Variants in BACH2 observed in about 807,000 individuals in gnomAD.
BACH2 encodes transcription regulator protein BACH2.
Under a neutral mutation model 61.8 loss-of-function variants are expected in BACH2, and 5 were observed. The observed-to-expected ratio is 0.08, with a 90% CI of 0.04 to 0.17. The LOEUF (loss-of-function observed/expected upper bound fraction) is 0.17, where lower values mean the gene tolerates loss of function less well. BACH2 is among the 10% of genes least tolerant of loss of function. The pLI, the probability that BACH2 is intolerant of heterozygous loss-of-function variation, is 1.00. For missense variants in BACH2, 824 were observed against 1,091.1 expected, an observed-to-expected ratio of 0.76 and a Z score of 3.45; for synonymous variants, 446 against 440.1, an observed-to-expected ratio of 1.01 and a Z score of -0.17.
At chr6:90,045,156 A>G (rs1779719060) in intron 5 of BACH2, among the ~76,000 whole-genome samples, 1 of 152,190 alleles carries the variant, frequency 6.6e-6, no homozygotes, top group African/African-American at 2.4e-5. Context: ...ATGAAAGGGC[A>G]CAGAATTAAT....
chr6:90,063,278 T>C (rs1449638217), intron 5 of BACH2, among the ~76,000 whole-genome samples: 1 of 152,190 alleles, frequency 6.6e-6, no homozygotes, highest in Non-Finnish European at 1.5e-5. Flanking sequence ...TGGGGGTGTG[T>C]GTGTGACAGA....
chr6:90,274,611 G>C (rs1247044892), intron 1 of BACH2, among the ~76,000 whole-genome samples: 1 of 152,166 alleles, frequency 6.6e-6, no homozygotes, highest in Non-Finnish European at 1.5e-5. Context: ...AGAGGAAGCA[G>C]ACAACCCCCA....
At chr6:90,283,610 C>T (rs1391404611) in intron 1 of BACH2, among the ~76,000 whole-genome samples, 4 of 152,074 alleles carry the variant, frequency 2.6e-5, no homozygotes, top group Admixed American at 6.5e-5. Context: ...CTCCTGACCT[C>T]GTGATCCACC....
chr6:90,078,473 C>G (rs1241967685), intron 5 of BACH2, among the ~76,000 whole-genome samples: 1 of 152,058 alleles, frequency 6.6e-6, no homozygotes, highest in African/African-American at 2.4e-5. Context: ...AGAAGCAAAC[C>G]ACTCTATAAA....
chr6:90,158,201 G>A (rs1307491764), intron 4 of BACH2, among the ~76,000 whole-genome samples: 1 of 152,064 alleles, frequency 6.6e-6, no homozygotes, highest in Non-Finnish European at 1.5e-5. Context: ...AGGTAGGCAG[G>A]AGCCAGTCCA....
chr6:90,137,444 T>C lies in BACH2; in HGVS notation c.-161-48335A>G, dbSNP rs549661116. Among the ~76,000 whole-genome samples, 13 of 152,348 alleles carry C rather than the reference T, an allele frequency of 8.5e-5. 1 individual carries two copies. In the South Asian group the frequency reaches 1.7e-3, roughly 19 times the overall value. On this transcript the variant is annotated intron_variant, in intron 4 of 8. Coordinates refer to ENST00000257749, the MANE Select transcript of BACH2 (RefSeq NM_021813.4). Reference sequence around the variant, plus strand: ...GCTTGAACTTCAAAGAAACAAATTCTGAGAACATCAAAAATTAGGGTGGGG... The same window carrying C: ...GCTTGAACTTCAAAGAAACAAATTCCGAGAACATCAAAAATTAGGGTGGGG...
chr6:90,163,520 G>A (rs943719191), intron 4 of BACH2, among the ~76,000 whole-genome samples: 7 of 152,046 alleles, frequency 4.6e-5, no homozygotes, highest in African/African-American at 1.7e-4. Context: ...TTCAGAAGCA[G>A]CTAAGCCCTG....
intron 2 of BACH2, among the ~76,000 whole-genome samples, chr6:90,261,577 C>T (rs867378357): frequency 5.4e-4 from 82 of 152,118 alleles, no homozygotes; most frequent in African/African-American, 1.9e-3. Context: ...TTCTTGACTA[C>T]TCCCTCCTTC....
At chr6:90,199,695 G>A (rs542714950) in intron 4 of BACH2, among the ~76,000 whole-genome samples, 2 of 152,208 alleles carry the variant, frequency 1.3e-5, no homozygotes, top group South Asian at 2.1e-4. Context: ...CCTCACATTC[G>A]ACAGGACTCA....
intron 6 of BACH2, among the ~76,000 whole-genome samples, chr6:89,991,268 C>T (rs560831077): frequency 1.2e-4 from 18 of 152,304 alleles, no homozygotes; most frequent in African/African-American, 4.3e-4. Flanking sequence ...TATTTATTTT[C>T]CCCAACTTTC....
At chr6:90,056,548 C>T (rs1780363387) in intron 5 of BACH2, among the ~76,000 whole-genome samples, 2 of 152,038 alleles carry the variant, frequency 1.3e-5, no homozygotes, top group African/African-American at 4.8e-5. Flanking sequence ...CCACTGTCAA[C>T]ATCAGACAGA....
chr6:90,277,386 C>G (rs908836546), intron 1 of BACH2, among the ~76,000 whole-genome samples: 1 of 152,124 alleles, frequency 6.6e-6, no homozygotes, highest in Non-Finnish European at 1.5e-5. Context: ...AGAAGTTAGA[C>G]ACAAAATAGT....
intron 2 of BACH2, among the ~76,000 whole-genome samples, chr6:90,268,393 C>G (rs572926354): frequency 4.6e-5 from 7 of 152,256 alleles, no homozygotes; most frequent in Non-Finnish European, 8.8e-5. Context: ...TTAGTATCTA[C>G]TGAACTTCAG....
intron 4 of BACH2, among the ~76,000 whole-genome samples, chr6:90,150,722 T>G (rs545353144): frequency 6.6e-6 from 1 of 152,240 alleles, no homozygotes; most frequent in African/African-American, 2.4e-5. Context: ...CCCAAGCTTC[T>G]CAGTGGAGGA....
rs183269676 is a variant in BACH2 at position 90,175,331 on chromosome 6, T to C, written c.-162+31238A>G. Among the ~76,000 whole-genome samples, 305 of 152,342 alleles carry C rather than the reference T, an allele frequency of 2.0e-3. 3 individuals carry two copies. The highest frequency in any genetic ancestry group is 6.7e-3 in the African/African-American group (279 of 41,594). ...CTCATTTATACAATGGTTTTCCTAT[T>C]ACACTGAAATCATAAGAAACTCTCT... On this transcript the variant is annotated intron_variant, in intron 4 of 8. Coordinates refer to ENST00000257749, the MANE Select transcript of BACH2 (RefSeq NM_021813.4).
chr6:90,246,046 G>C (rs187919666), intron 3 of BACH2, among the ~76,000 whole-genome samples: 7 of 152,186 alleles, frequency 4.6e-5, no homozygotes, highest in Admixed American at 3.3e-4. Flanking sequence ...GACTGATAAC[G>C]TGGCAAGCTG....
At chr6:90,038,853 A>G (rs1232353400) in intron 5 of BACH2, among the ~76,000 whole-genome samples, 1 of 151,884 alleles carries the variant, frequency 6.6e-6, no homozygotes, top group Non-Finnish European at 1.5e-5. Context: ...CCTGGCCGAC[A>G]TGGTGAAACC....
chr6:90,144,059 T>C (rs1355644127), intron 4 of BACH2, among the ~76,000 whole-genome samples: 1 of 152,252 alleles, frequency 6.6e-6, no homozygotes, highest in Non-Finnish European at 1.5e-5. Flanking sequence ...AAGTATTCGT[T>C]GGATGAATGT....
chr6:90,149,468 C>T (rs1288201180), intron 4 of BACH2, among the ~76,000 whole-genome samples: 1 of 152,164 alleles, frequency 6.6e-6, no homozygotes. Context: ...TGTTTGATCT[C>T]CTGAGAGAAA....
Sources: gnomAD v4.1 joint callset for allele counts (sites outside exome capture counted in the v4.1 genomes callset) on GRCh38, gnomAD v4.1.1 for gene constraint, MANE v1.5 for transcripts, NCBI Gene and HGNC (gene_info 2026-07-23, HGNC 2026-07-21) for gene names.